Variants in NKD2 observed in about 807,000 individuals in gnomAD.
NKD2 encodes protein naked cuticle homolog 2.
NKD2 carries 43 observed loss-of-function variants against 34.8 expected under a neutral mutation model. That is an observed-to-expected ratio of 1.24 (90% CI 0.97 to 1.60). NKD2 has a LOEUF of 1.60. Ranked by LOEUF, NKD2 falls within the 40% of genes most tolerant of loss-of-function variation. The pLI is 0.00. For synonymous variants in NKD2, 278 were observed against 265.1 expected (o/e 1.05, Z -0.47); for missense variants, 675 against 627.1 (o/e 1.08, Z -0.82).
Position 1,035,438 on chromosome 5 carries a change from A to C in NKD2, c.624A>C (p.Pro208=), listed in dbSNP as rs1267731089. 4 of 1,558,722 alleles carry C rather than the reference A, an allele frequency of 2.6e-6. No homozygotes were observed. Among genetic ancestry groups the C allele is most frequent in the Non-Finnish European group, 1.7e-6 (2 of 1,151,178 alleles). The change falls in exon 8 of 10, where the codon CCA becomes CCC. Residue 208 remains proline (P), a synonymous_variant. Coordinates refer to ENST00000296849, the MANE Select transcript of NKD2 (RefSeq NM_033120.4). ...TGGAGGGTGAACTGGCAGAGGAGCC[A>C]AGGGTGGCTGACAGGAGGTTGTCTG... ...CRMEGELAEE[P]RVADRRLSAH...
chr5:1,020,470 C>T lies in NKD2; in HGVS notation c.141+10910C>T, dbSNP rs758694707. 6.6e-5 allele frequency among the ~76,000 whole-genome samples: 10 copies of T among 152,224 alleles called. No homozygotes were observed. In the East Asian group the frequency reaches 1.5e-3, roughly 24 times the overall value. The stretch of plus-strand genomic sequence containing the variant: ...CTCAGCCTCAGCCACACCTAGCTGA[C>T]GATGGAGACTCTGGGAGGGCTGTGG... On this transcript the variant is annotated intron_variant, in intron 3 of 9. Coordinates refer to ENST00000296849, the MANE Select transcript of NKD2 (RefSeq NM_033120.4).
chr5:1,038,103 GC>G lies in NKD2; in HGVS notation c.1090del (p.Gln364ArgfsTer64). The part of the protein sequence containing the change: ...FSYYLPAVLP[P>X]QAPQDGHHLP... Reference sequence around the variant, plus strand: ...GCTACTACCTGCCGGCCGTCCTGCCGCCCCAGGCCCCTCAGGACGGCCACCA... The same window carrying G: ...GCTACTACCTGCCGGCCGTCCTGCCGCCCAGGCCCCTCAGGACGGCCACCA... On this transcript the variant is annotated frameshift_variant, in exon 10 of 10. Transcript: ENST00000296849. LOFTEE classifies it low-confidence loss of function (END_TRUNC). The surrounding 1 kb of genome is among the most constrained non-coding windows in gnomAD (Gnocchi z 4.5). 6.2e-7 allele frequency: 1 copy of G among 1,601,572 alleles called. No individual in the cohort carries two copies.
chr5:1,013,610 G>T (rs544423028), intron 3 of NKD2, among the ~76,000 whole-genome samples: 1 of 152,260 alleles, frequency 6.6e-6, no homozygotes, highest in East Asian at 1.9e-4. Context: ...CCTGGGCCTT[G>T]GGCCCACTGA....
intron 3 of NKD2, among the ~76,000 whole-genome samples, chr5:1,027,653 T>C (rs1756475172): frequency 6.6e-6 from 1 of 152,102 alleles, no homozygotes; most frequent in Non-Finnish European, 1.5e-5. Context: ...TAGACCAGGG[T>C]TTAGGTCATG....
At chr5:1,017,986 C>A (rs528171259) in intron 3 of NKD2, among the ~76,000 whole-genome samples, 3 of 152,062 alleles carry the variant, frequency 2.0e-5, no homozygotes, top group African/African-American at 7.2e-5. Flanking sequence ...GGTGTCAGGA[C>A]AGTGTGTGGT....
intron 3 of NKD2, among the ~76,000 whole-genome samples, chr5:1,016,520 C>T (rs1040078722): frequency 3.9e-5 from 6 of 152,196 alleles, no homozygotes; most frequent in African/African-American, 1.4e-4. Context: ...CTAAAAAGCA[C>T]GAAATATTGT....
chr5:1,014,604 A>G (rs1258982587), intron 3 of NKD2, among the ~76,000 whole-genome samples: 1 of 152,176 alleles, frequency 6.6e-6, no homozygotes, highest in Non-Finnish European at 1.5e-5. Flanking sequence ...GCTTGTTCAG[A>G]GCTGGCAGTA....
intron 3 of NKD2, among the ~76,000 whole-genome samples, chr5:1,010,195 AGAACTGTCCAGGTCTGGGG>A (rs1375931010): frequency 2.6e-5 from 4 of 152,192 alleles, no homozygotes; most frequent in Non-Finnish European, 4.4e-5. Flanking sequence ...CCAGGAGCAG[AGAACTGTCCAGGTCTGGGG>A]CCCTGGAAGG....
Position 1,009,992 on chromosome 5 carries a change from C to T in NKD2, c.141+432C>T, listed in dbSNP as rs1755688061. ...GACCTGGGGCATCACTGGTCATAGC[C>T]TCAGTGCTCAATCAGCAAACATGGC... is the stretch of plus-strand genomic sequence containing the variant. On this transcript the variant is annotated intron_variant, in intron 3 of 9. Transcript: ENST00000296849. This position sits in a 1 kb window ranked among gnomAD's most constrained non-coding sequence, Gnocchi z 6.9. Among the ~76,000 whole-genome samples the T allele has an allele frequency of 2.0e-5, 3 of 152,158 alleles. No homozygotes were observed. Among genetic ancestry groups the T allele is most frequent in the Admixed American group, 1.3e-4 (2 of 15,288 alleles).
chr5:1,020,328 TATAC>T (rs752898526), intron 3 of NKD2, among the ~76,000 whole-genome samples: 8 of 152,200 alleles, frequency 5.3e-5, no homozygotes, highest in Non-Finnish European at 7.3e-5. Context: ...TACACACGTG[TATAC>T]ATACATGTAT....
At chr5:1,021,656 G>T (rs1225483034) in intron 3 of NKD2, among the ~76,000 whole-genome samples, 9 of 151,944 alleles carry the variant, frequency 5.9e-5, no homozygotes, top group Admixed American at 5.9e-4. Context: ...GCCGGCTGCG[G>T]GGTTTCCAGA....
chr5:1,015,485 G>A (rs1202031695), intron 3 of NKD2, among the ~76,000 whole-genome samples: 1 of 152,318 alleles, frequency 6.6e-6, no homozygotes, highest in East Asian at 1.9e-4. Flanking sequence ...CCAGATCACT[G>A]GGTCCCTGGA....
chr5:1,017,334 G>A (rs541212639), intron 3 of NKD2, among the ~76,000 whole-genome samples: 4 of 152,358 alleles, frequency 2.6e-5, no homozygotes, highest in African/African-American at 9.6e-5. Context: ...GGCGTGCCAG[G>A]CCAGTGGCCA....
intron 3 of NKD2, among the ~76,000 whole-genome samples, chr5:1,027,497 C>T (rs1419398979): frequency 6.6e-6 from 1 of 152,210 alleles, no homozygotes; most frequent in Non-Finnish European, 1.5e-5. Flanking sequence ...CCTCCCTCCC[C>T]GCTCCCTCTC....
At position 1,008,940 on chromosome 5, in the gene NKD2, C is replaced by T. The variant is rs1482727536; in HGVS notation, c.-118C>T. ...CGCGGCGTGGAGCCATCTTCCCTCA[C>T]CTCCTACCGGCACCCTAGCTTGCTC... is the stretch of plus-strand genomic sequence containing the variant. On this transcript the variant is annotated 5_prime_UTR_variant, in exon 1 of 10. Coordinates refer to ENST00000296849, the MANE Select transcript of NKD2 (RefSeq NM_033120.4). 5 of 396,468 alleles carry T rather than the reference C, an allele frequency of 1.3e-5. No homozygotes were observed. The Admixed American group carries it at 2.2e-4, about 18-fold the overall frequency. The allele number at this position is 396,468 out of a possible 1,614,324, so 24.6% of individuals were successfully genotyped here. A position where few individuals can be genotyped will look rare whatever the true frequency, so the allele number is the denominator to read the frequency against.
chr5:1,018,398 C>T (rs1756042004), intron 3 of NKD2, among the ~76,000 whole-genome samples: 1 of 152,234 alleles, frequency 6.6e-6, no homozygotes, highest in African/African-American at 2.4e-5. Context: ...CCCTTCCTCT[C>T]CTCCCATTGA....
intron 3 of NKD2, among the ~76,000 whole-genome samples, chr5:1,029,613 T>G (rs763485668): frequency 3.2e-4 from 49 of 152,344 alleles, no homozygotes; most frequent in Non-Finnish European, 3.4e-4. Flanking sequence ...ATTTTCACTG[T>G]ATTAGCTTTA....
chr5:1,013,777 G>A (rs1755846426), intron 3 of NKD2, among the ~76,000 whole-genome samples: 1 of 152,208 alleles, frequency 6.6e-6, no homozygotes, highest in Non-Finnish European at 1.5e-5. Context: ...GTTGCCCATG[G>A]TGGAGGCCGG....
chr5:1,021,977 C>T (rs1005503061), intron 3 of NKD2, among the ~76,000 whole-genome samples: 1 of 152,206 alleles, frequency 6.6e-6, no homozygotes, highest in African/African-American at 2.4e-5. Flanking sequence ...CGACCAACCC[C>T]TGGCCTCCTT....
Sources: gnomAD v4.1 joint callset for allele counts (sites outside exome capture counted in the v4.1 genomes callset) on GRCh38, gnomAD v4.1.1 for gene constraint, Gnocchi (gnomAD v3.1) non-coding constraint, MANE v1.5 for transcripts, NCBI Gene and HGNC (gene_info 2026-07-23, HGNC 2026-07-21) for gene names.